RYR2: variants seen among roughly 807,000 people sequenced by gnomAD.
RYR2 encodes the protein ryanodine receptor 2.
In RYR2, 227 loss-of-function variants were observed where a neutral mutation model predicts 601.1. That is an observed-to-expected ratio of 0.38 (90% CI 0.34 to 0.42). The LOEUF is 0.42. Ranked by LOEUF, RYR2 falls within the 10% of genes least tolerant of loss-of-function variation. The pLI, the probability that RYR2 is intolerant of heterozygous loss-of-function variation, is 1.00. For synonymous variants in RYR2, 2,223 were observed against 2,175.1 expected, an observed-to-expected ratio of 1.02 and a Z score of -0.61; for missense variants, 4,646 against 6,156.5, an observed-to-expected ratio of 0.75 and a Z score of 8.21.
rs1057518306 is a variant in RYR2 at position 237,595,574 on chromosome 1, C to G, written c.4513C>G (p.Leu1505Val). Reference protein sequence around the residue: ...SPGQGRNNNGLEIGCVVDAAS... With the variant: ...SPGQGRNNNGVEIGCVVDAAS... ...CGGGCAAGGACGCAACAATAATGGA[C>G]TGGAGATTGGCTGTGTGGTGGATGC... The change falls in exon 34 of 105, where the codon CTG (leucine) becomes GTG (valine). Residue 1505 changes from leucine to valine, a missense_variant. By Grantham distance (32) the Leu-to-Val change is conservative. This residue lies in a region of RYR2 where 1,807 missense variants were observed against 2,088.1 expected (regional missense o/e 0.87). Coordinates refer to ENST00000366574, the MANE Select transcript of RYR2 (RefSeq NM_001035.3). 3.1e-6 allele frequency: 5 copies of G among 1,613,604 alleles called. No individual in the cohort carries two copies. The East Asian group carries it at 1.1e-4, about 36-fold the overall frequency.
intron 1 of RYR2, among the ~76,000 whole-genome samples, chr1:237,261,197 C>A (rs1346475514): frequency 1.3e-5 from 2 of 152,236 alleles, no homozygotes; most frequent in Non-Finnish European, 2.9e-5. Flanking sequence ...TTTCTCTCTA[C>A]TTCCACTGCT....
chr1:237,663,993 C>T (rs1449569961), intron 56 of RYR2, among the ~76,000 whole-genome samples: 1 of 152,162 alleles, frequency 6.6e-6, no homozygotes, highest in Non-Finnish European at 1.5e-5. Context: ...TTGACCCCCT[C>T]CTTGGTAGGG....
chr1:237,810,268 CTT>C (rs1558465315), intron 100 of RYR2, among the ~76,000 whole-genome samples: 1 of 152,060 alleles, frequency 6.6e-6, no homozygotes, highest in Non-Finnish European at 1.5e-5. Context: ...CTACCAAGTC[CTT>C]ATCACATCAA....
chr1:237,578,401 T>G (rs1365863472), intron 29 of RYR2, among the ~76,000 whole-genome samples: 1 of 152,174 alleles, frequency 6.6e-6, no homozygotes, highest in Non-Finnish European at 1.5e-5. Context: ...ATGAACGGCT[T>G]TGAATGAATG....
At chr1:237,179,942 G>A (rs1468042997) in intron 1 of RYR2, among the ~76,000 whole-genome samples, 1 of 152,112 alleles carries the variant, frequency 6.6e-6, no homozygotes, top group Non-Finnish European at 1.5e-5. Flanking sequence ...GGGTCAGCAT[G>A]TCCTTTGTAA....
At chr1:237,314,063 CT>C (rs397983391) in intron 2 of RYR2, among the ~76,000 whole-genome samples, 6,258 of 82,178 alleles carry the variant, frequency 0.076, 124 homozygotes, top group African/African-American at 0.2. Context: ...ACATGAATTT[CT>C]TTTTTTTTTT....
chr1:237,262,242 A>T (rs1688596294), intron 1 of RYR2, among the ~76,000 whole-genome samples: 1 of 74,670 alleles, frequency 1.3e-5, no homozygotes, highest in Admixed American at 1.5e-4. Flanking sequence ...TCTGTTCTAA[A>T]GAGTTTTTTT....
chr1:237,421,264 T>G (rs1705544112), intron 11 of RYR2, among the ~76,000 whole-genome samples: 1 of 152,096 alleles, frequency 6.6e-6, no homozygotes, highest in Non-Finnish European at 1.5e-5. Flanking sequence ...GTAATAATAA[T>G]AATAATGATA....
intron 29 of RYR2, among the ~76,000 whole-genome samples, chr1:237,576,652 A>G (rs1161226298): frequency 1.3e-5 from 2 of 152,164 alleles, no homozygotes; most frequent in African/African-American, 4.8e-5. Context: ...AAATTTAAGA[A>G]CATTCATTTA....
At chr1:237,621,881 A>C (rs1679111784) in intron 38 of RYR2, among the ~76,000 whole-genome samples, 1 of 152,282 alleles carries the variant, frequency 6.6e-6, no homozygotes, top group Admixed American at 6.5e-5. Flanking sequence ...CTTAAGGATG[A>C]GGGGCAGACA....
intron 63 of RYR2, among the ~76,000 whole-genome samples, chr1:237,689,845 C>CTT (rs537648561): frequency 2.1e-4 from 29 of 140,400 alleles, no homozygotes; most frequent in African/African-American, 6.7e-4. Context: ...ATCTTTAAGT[C>CTT]TTTTTTTTTT....
intron 29 of RYR2, among the ~76,000 whole-genome samples, chr1:237,588,343 C>A (rs1428372275): frequency 6.6e-6 from 1 of 152,068 alleles, no homozygotes; most frequent in Non-Finnish European, 1.5e-5. Flanking sequence ...GCTTTCACTG[C>A]CACTAATTTC....
At chr1:237,174,346 A>G (rs1455933301) in intron 1 of RYR2, among the ~76,000 whole-genome samples, 1 of 152,132 alleles carries the variant, frequency 6.6e-6, no homozygotes, top group East Asian at 1.9e-4. Context: ...GTTCTTACTA[A>G]TGTCACCCTG....
At chr1:237,485,431 G>A (rs1662580743) in intron 17 of RYR2, among the ~76,000 whole-genome samples, 1 of 152,124 alleles carries the variant, frequency 6.6e-6, no homozygotes, top group Non-Finnish European at 1.5e-5. Flanking sequence ...TTCTGTAATG[G>A]GGGATTGAAA....
At chr1:237,463,688 A>G (rs1028359022) in intron 16 of RYR2, among the ~76,000 whole-genome samples, 31 of 152,128 alleles carry the variant, frequency 2.0e-4, no homozygotes, top group Admixed American at 6.5e-5. Flanking sequence ...AAAAAGATAA[A>G]AGATCTTAAC....
intron 17 of RYR2, among the ~76,000 whole-genome samples, chr1:237,489,582 G>C (rs1433383643): frequency 6.6e-6 from 1 of 152,116 alleles, no homozygotes; most frequent in South Asian, 2.1e-4. Context: ...GCTTGAACCC[G>C]GGTGGTAGAG....
intron 1 of RYR2, among the ~76,000 whole-genome samples, chr1:237,260,435 G>A (rs941947106): frequency 6.6e-6 from 1 of 152,230 alleles, no homozygotes; most frequent in South Asian, 2.1e-4. Flanking sequence ...TGATTCAAAT[G>A]TAGGAGCATG....
rs57204036 is a variant in RYR2, at chr1:237,380,359, AATATATATATATATATAT to A, written c.576+2970_576+2987del. On this transcript the variant is annotated intron_variant, in intron 8 of 104. Transcript: ENST00000366574. Reference sequence around the variant, plus strand: ...GCACACTTGCCTTGTAGAATACACAAATATATATATATATATATATATATATATATATATATATATATA... The same window carrying A: ...GCACACTTGCCTTGTAGAATACACAAATATATATATATATATATATATATA... Among the ~76,000 whole-genome samples the A allele has an allele frequency of 8.0e-3, 233 of 29,250 alleles. 1 individual carries two copies. The highest frequency in any genetic ancestry group is 9.7e-3 in the Admixed American group (20 of 2,052). The allele number at this position is 29,250 out of a possible 152,430, so 19.2% of individuals were successfully genotyped here. A position where few individuals can be genotyped will look rare whatever the true frequency, so the allele number is the denominator to read the frequency against.
intron 48 of RYR2, among the ~76,000 whole-genome samples, chr1:237,646,739 C>G (rs545473071): frequency 1.5e-4 from 23 of 152,196 alleles, no homozygotes; most frequent in African/African-American, 4.3e-4. Context: ...AGCTCTTGGC[C>G]CAGACTGATT....
Sources: gnomAD v4.1 joint callset for allele counts (sites outside exome capture counted in the v4.1 genomes callset) on GRCh38, gnomAD v4.1.1 for gene constraint, gnomAD v4.1.1 regional missense constraint, MANE v1.5 for transcripts, NCBI Gene and HGNC (gene_info 2026-07-23, HGNC 2026-07-21) for gene names.